The following LDB2 variants were observed in gnomAD, a reference collection of about 807,000 sequenced individuals.
The protein encoded by LDB2 is LIM domain binding 2, also known as LIM domain-binding protein 2.
LDB2 carries 12 observed loss-of-function variants against 44.3 expected under a neutral mutation model. The observed-to-expected ratio is 0.27, with a 90% CI of 0.17 to 0.44. The LOEUF (loss-of-function observed/expected upper bound fraction) is 0.44. Among genes scored for constraint, LDB2 ranks in the 20% least tolerant of loss-of-function variants. LDB2 has a pLI of 1.00. For synonymous variants in LDB2, 164 were observed against 174.8 expected, an observed-to-expected ratio of 0.94 and a Z score of 0.49; for missense variants, 344 against 473.5, an observed-to-expected ratio of 0.73 and a Z score of 2.54.
intron 1 of LDB2, among the ~76,000 whole-genome samples, chr4:16,897,958 A>ATGTG: frequency 7.6e-6 from 1 of 131,408 alleles, no homozygotes; most frequent in African/African-American, 2.8e-5. Context: ...ATATATATAT[A>ATGTG]TATATATATA....
chr4:16,581,973 A>AGGAAG (rs1560538115), intron 5 of LDB2, among the ~76,000 whole-genome samples: 6 of 141,218 alleles, frequency 4.2e-5, no homozygotes, highest in African/African-American at 1.3e-4. Flanking sequence ...GAAAGAAGGA[A>AGGAAG]GGAAGGAAGG....
intron 5 of LDB2, among the ~76,000 whole-genome samples, chr4:16,520,861 A>G (rs1413888510): frequency 6.6e-6 from 1 of 152,130 alleles, no homozygotes; most frequent in Non-Finnish European, 1.5e-5. Flanking sequence ...AGGCCCATGA[A>G]GAGACCATTC....
chr4:16,649,847 T>A (rs1037492401), intron 2 of LDB2, among the ~76,000 whole-genome samples: 6 of 152,150 alleles, frequency 3.9e-5, no homozygotes, highest in African/African-American at 1.4e-4. Context: ...TCCTCTGAAG[T>A]CAGAGCTACT....
intron 2 of LDB2, among the ~76,000 whole-genome samples, chr4:16,720,423 TGCTAA>T (rs1163270036): frequency 6.6e-6 from 1 of 152,148 alleles, no homozygotes; most frequent in African/African-American, 2.4e-5. Context: ...ATTTTCAGAT[TGCTAA>T]GCCATCCCCA....
At chr4:16,856,636 G>A (rs1789413004) in intron 1 of LDB2, among the ~76,000 whole-genome samples, 1 of 152,156 alleles carries the variant, frequency 6.6e-6, no homozygotes, top group Non-Finnish European at 1.5e-5. Flanking sequence ...TTTAAAATGT[G>A]TATGTTCTGT....
intron 2 of LDB2, among the ~76,000 whole-genome samples, chr4:16,667,990 C>T (rs1163450797): frequency 6.6e-6 from 1 of 152,128 alleles, no homozygotes; most frequent in Non-Finnish European, 1.5e-5. Context: ...TCTTTAAATA[C>T]AGGCTGGGAT....
intron 1 of LDB2, among the ~76,000 whole-genome samples, chr4:16,883,108 C>T (rs1175357024): frequency 1.3e-5 from 2 of 152,214 alleles, no homozygotes; most frequent in Non-Finnish European, 2.9e-5. Flanking sequence ...TGGTCCTCTC[C>T]AGCCAGTTTG....
intron 2 of LDB2, among the ~76,000 whole-genome samples, chr4:16,624,912 G>A (rs1207142618): frequency 6.6e-6 from 1 of 152,136 alleles, no homozygotes; most frequent in African/African-American, 2.4e-5. Context: ...TGTTTAGGAT[G>A]GTTAAAATAC....
At chr4:16,783,408 C>G (rs113944906) in intron 1 of LDB2, among the ~76,000 whole-genome samples, 1 of 152,272 alleles carries the variant, frequency 6.6e-6, no homozygotes, top group African/African-American at 2.4e-5. Flanking sequence ...AGAGCAAAGC[C>G]AGACCTTGCA....
chr4:16,515,405 G>A (rs1417906105), intron 5 of LDB2, among the ~76,000 whole-genome samples: 3 of 152,178 alleles, frequency 2.0e-5, no homozygotes, highest in Non-Finnish European at 2.9e-5. Context: ...ACCTGCACAT[G>A]TACTTCCTGA....
chr4:16,635,881 G>A (rs1039290753), intron 2 of LDB2, among the ~76,000 whole-genome samples: 1 of 152,146 alleles, frequency 6.6e-6, no homozygotes, highest in Non-Finnish European at 1.5e-5. Context: ...TATAGTATAG[G>A]TGAAATGTAA....
intron 2 of LDB2, among the ~76,000 whole-genome samples, chr4:16,740,999 A>G (rs1362057910): frequency 1.3e-5 from 2 of 152,224 alleles, no homozygotes; most frequent in Non-Finnish European, 1.5e-5. Flanking sequence ...TAGCCTGTGG[A>G]AAAAAATGCA....
chr4:16,563,400 A>G (rs116761476), intron 5 of LDB2, among the ~76,000 whole-genome samples: 1,611 of 148,536 alleles, frequency 0.011, 34 homozygotes, highest in African/African-American at 0.038. Flanking sequence ...ATTATCAAAA[A>G]CATTCAAAAC....
chr4:16,885,147 C>T (rs929217886), intron 1 of LDB2, among the ~76,000 whole-genome samples: 1 of 135,116 alleles, frequency 7.4e-6, no homozygotes, highest in African/African-American at 2.7e-5. Context: ...TAGGGAGATA[C>T]CACTTCTAAA....
Position 16,545,039 on chromosome 4 carries a change from C to T in LDB2, c.616-32935G>A, listed in dbSNP as rs143901870. Among the ~76,000 whole-genome samples the T allele has an allele frequency of 3.3e-5, 5 of 152,100 alleles. No homozygotes were observed. The South Asian group carries it at 6.2e-4, about 19-fold the overall frequency. ...ACCAAGACAGCATGATGCCCATACA[C>T]GAAGGGAAGAAGTATTTCATGGAGA... On this transcript the variant is annotated intron_variant, in intron 5 of 7. Transcript: ENST00000304523.
intron 5 of LDB2, among the ~76,000 whole-genome samples, chr4:16,519,613 C>G (rs546929494): frequency 1.3e-5 from 2 of 149,172 alleles, no homozygotes; most frequent in Admixed American, 6.7e-5. Flanking sequence ...GGTTCCAAAA[C>G]CTACACAGAG....
chr4:16,761,413 A>G (rs1186266859), intron 1 of LDB2, among the ~76,000 whole-genome samples: 2 of 152,252 alleles, frequency 1.3e-5, no homozygotes, highest in African/African-American at 2.4e-5. Context: ...TTCTTCTTTG[A>G]GCTCCTTGCC....
At chr4:16,640,281 T>C (rs1273723526) in intron 2 of LDB2, among the ~76,000 whole-genome samples, 1 of 152,190 alleles carries the variant, frequency 6.6e-6, no homozygotes, top group Non-Finnish European at 1.5e-5. Context: ...ACTAATAGTT[T>C]TTTGGTGAAG....
At chr4:16,745,862 A>G (rs751284015) in intron 2 of LDB2, among the ~76,000 whole-genome samples, 3 of 151,840 alleles carry the variant, frequency 2.0e-5, no homozygotes, top group African/African-American at 7.3e-5. Context: ...TTTTTAATCC[A>G]AACAGGTCAC....
Sources: allele counts gnomAD v4.1 joint callset (sites outside exome capture counted in the v4.1 genomes callset), GRCh38; gene constraint gnomAD v4.1.1; transcripts MANE v1.5; gene names NCBI Gene and HGNC (gene_info 2026-07-23, HGNC 2026-07-21).